SOX5: variants seen among roughly 807,000 people sequenced by gnomAD.
SOX5 encodes the protein transcription factor SOX-5.
A neutral mutation model predicts 92.0 loss-of-function variants in SOX5; 9 were observed. The ratio of observed to expected loss-of-function variants is 0.10; its 90% CI spans 0.06 to 0.17. The LOEUF (loss-of-function observed/expected upper bound fraction) is 0.17. SOX5 is among the 10% of genes least tolerant of loss of function. The pLI is 1.00. For synonymous variants in SOX5, 344 were observed against 336.3 expected, an observed-to-expected ratio of 1.02 and a Z score of -0.25; for missense variants, 642 against 944.5, an observed-to-expected ratio of 0.68 and a Z score of 4.20.
intron 3 of SOX5, among the ~76,000 whole-genome samples, chr12:23,798,756 A>C (rs900940809): frequency 6.6e-6 from 1 of 151,968 alleles, no homozygotes; most frequent in Non-Finnish European, 1.5e-5. Flanking sequence ...TTTTAAAAAA[A>C]CTTGATAAAT....
intron 13 of SOX5, 131 bp from the exon 14 acceptor site, chr12:23,536,800 G>T: frequency 1.5e-6 from 1 of 683,126 alleles, no homozygotes; most frequent in Non-Finnish European, 2.6e-6. Flanking sequence ...ACCTGTTTTT[G>T]ATTAGTGAGA....
intron 8 of SOX5, among the ~76,000 whole-genome samples, chr12:23,614,279 G>A (rs1394464680): frequency 6.6e-6 from 1 of 152,132 alleles, no homozygotes; most frequent in Non-Finnish European, 1.5e-5. Context: ...ATGTTTATTA[G>A]CATTTAAGAC....
intron 11 of SOX5, among the ~76,000 whole-genome samples, chr12:23,549,889 C>T (rs772106670): frequency 3.3e-5 from 5 of 152,004 alleles, no homozygotes; most frequent in East Asian, 1.9e-4. Flanking sequence ...GAAACAAGAT[C>T]GAAGTGAATT....
chr12:24,197,781 A>C (rs1957144990), intron 4 of SOX5, among the ~76,000 whole-genome samples: 1 of 152,176 alleles, frequency 6.6e-6, no homozygotes. Context: ...CCCTGATAGC[A>C]TGAGGAGACA....
intron 1 of SOX5, among the ~76,000 whole-genome samples, chr12:24,427,151 T>C (rs549041091): frequency 1.3e-5 from 2 of 152,330 alleles, no homozygotes; most frequent in Admixed American, 1.3e-4. Flanking sequence ...TATTCAACCA[T>C]TATTGAACTA....
intron 2 of SOX5, among the ~76,000 whole-genome samples, chr12:23,846,870 C>T (rs1210797863): frequency 6.6e-6 from 1 of 152,082 alleles, no homozygotes; most frequent in Non-Finnish European, 1.5e-5. Context: ...ACACTCTTTG[C>T]TATTTTGTAT....
chr12:24,427,800 G>A (rs1267202306), intron 1 of SOX5, among the ~76,000 whole-genome samples: 1 of 152,132 alleles, frequency 6.6e-6, no homozygotes, highest in East Asian at 1.9e-4. Context: ...ATCTACCAGC[G>A]CTTGATAAAA....
At chr12:23,999,522 C>T (rs1951391042) in intron 4 of SOX5, among the ~76,000 whole-genome samples, 1 of 152,034 alleles carries the variant, frequency 6.6e-6, no homozygotes, top group Non-Finnish European at 1.5e-5. Flanking sequence ...TTGTGGTAAT[C>T]ATTTCATAAT....
At chr12:23,560,776 G>C (rs1946079138) in intron 11 of SOX5, among the ~76,000 whole-genome samples, 1 of 152,172 alleles carries the variant, frequency 6.6e-6, no homozygotes, top group African/African-American at 2.4e-5. Flanking sequence ...GACATAGATT[G>C]ATCATTAATA....
At chr12:23,853,910 T>C (rs1455390304) in intron 2 of SOX5, among the ~76,000 whole-genome samples, 3 of 152,130 alleles carry the variant, frequency 2.0e-5, no homozygotes, top group Non-Finnish European at 4.4e-5. Flanking sequence ...AAAGTTAGAC[T>C]ACAAATCAAA....
At chr12:24,534,969 T>C (rs1487847469) in intron 1 of SOX5, among the ~76,000 whole-genome samples, 1 of 152,374 alleles carries the variant, frequency 6.6e-6, no homozygotes, top group South Asian at 2.1e-4. Flanking sequence ...GTTAAAATTC[T>C]GGGATGGAGT....
chr12:24,382,396 G>A (rs1257848799), intron 1 of SOX5, among the ~76,000 whole-genome samples: 4 of 152,040 alleles, frequency 2.6e-5, no homozygotes, highest in African/African-American at 9.7e-5. Context: ...ATGGTAGTAT[G>A]GTAGGGAGGA....
chr12:24,052,496 T>C (rs998444631), intron 4 of SOX5, among the ~76,000 whole-genome samples: 1 of 152,166 alleles, frequency 6.6e-6, no homozygotes, highest in East Asian at 1.9e-4. Flanking sequence ...GTTATTGACA[T>C]TGATAGTTAA....
intron 1 of SOX5, among the ~76,000 whole-genome samples, chr12:24,466,377 C>T (rs557996469): frequency 6.6e-6 from 1 of 152,198 alleles, no homozygotes; most frequent in East Asian, 1.9e-4. Context: ...TCTCAAAGTG[C>T]TGGGATTATA....
intron 13 of SOX5, among the ~76,000 whole-genome samples, chr12:23,541,421 T>C (rs1942017810): frequency 6.6e-6 from 1 of 152,204 alleles, no homozygotes; most frequent in East Asian, 1.9e-4. Flanking sequence ...ACATGAAATA[T>C]GCTTACATAA....
intron 4 of SOX5, among the ~76,000 whole-genome samples, chr12:23,999,177 T>TGTGTGTGTGC (rs1569452779): frequency 5.7e-5 from 8 of 139,890 alleles, no homozygotes; most frequent in African/African-American, 2.3e-4. Context: ...TGTGTGTGTG[T>TGTGTGTGTGC]ACCATTGCTT....
chr12:23,830,892 G>A (rs2096305798), intron 3 of SOX5, among the ~76,000 whole-genome samples: 1 of 152,128 alleles, frequency 6.6e-6, no homozygotes, highest in Admixed American at 6.6e-5. Context: ...CAAGCATTGT[G>A]ATTTATAATG....
At chr12:24,014,312 C>T (rs539216684) in intron 4 of SOX5, among the ~76,000 whole-genome samples, 28 of 152,276 alleles carry the variant, frequency 1.8e-4, no homozygotes, top group South Asian at 4.1e-4. Flanking sequence ...TTATGCATGA[C>T]GGCATACCAA....
At chr12:23,931,820 T>C (rs528157239) in intron 1 of SOX5, among the ~76,000 whole-genome samples, 159 of 151,720 alleles carry the variant, frequency 1.0e-3, no homozygotes, top group South Asian at 2.7e-3. Context: ...TCTAACAAAA[T>C]ACACTTATAC....
Sources: allele counts gnomAD v4.1 joint callset (sites outside exome capture counted in the v4.1 genomes callset), GRCh38; gene constraint gnomAD v4.1.1; transcripts MANE v1.5; gene names NCBI Gene and HGNC (gene_info 2026-07-23, HGNC 2026-07-21).